PTPRR: variants seen among roughly 807,000 people sequenced by gnomAD.
The protein encoded by PTPRR is receptor-type tyrosine-protein phosphatase R.
A neutral mutation model predicts 77.2 loss-of-function variants in PTPRR; 38 were observed. That is an observed-to-expected ratio of 0.49 (90% confidence interval 0.38 to 0.65). The LOEUF is 0.65. PTPRR is among the 30% of genes least tolerant of loss of function. The pLI, the probability that PTPRR is intolerant of heterozygous loss-of-function variation, is 0.00. For synonymous variants in PTPRR, 299 were observed against 283.1 expected, an observed-to-expected ratio of 1.06 and a Z score of -0.57; for missense variants, 744 against 799.2, an observed-to-expected ratio of 0.93 and a Z score of 0.83.
At chr12:70,834,453 G>A (rs370684005) in intron 2 of PTPRR, among the ~76,000 whole-genome samples, 4 of 152,198 alleles carry the variant, frequency 2.6e-5, no homozygotes, top group Admixed American at 1.3e-4. Context: ...CATGGTTAAC[G>A]CAAAATGCAA....
At chr12:70,897,220 T>C (rs1893445225) in intron 1 of PTPRR, among the ~76,000 whole-genome samples, 1 of 151,802 alleles carries the variant, frequency 6.6e-6, no homozygotes, top group South Asian at 2.1e-4. Flanking sequence ...ACAGGCAACC[T>C]ACAAAATGGG....
intron 2 of PTPRR, among the ~76,000 whole-genome samples, chr12:70,767,614 A>G (rs1890860257): frequency 6.6e-6 from 1 of 152,180 alleles, no homozygotes; most frequent in Admixed American, 6.5e-5. Context: ...AACGAGATAG[A>G]AAGTTAACAA....
chr12:70,672,197 T>C (rs1395201806), intron 10 of PTPRR: 2 of 1,564,934 alleles, frequency 1.3e-6, no homozygotes, highest in African/African-American at 2.7e-5. Context: ...CCTACCATGG[T>C]TGGAAGTGAC....
chr12:70,877,165 T>C (rs941726377), intron 2 of PTPRR, among the ~76,000 whole-genome samples: 7 of 152,096 alleles, frequency 4.6e-5, no homozygotes, highest in Non-Finnish European at 7.4e-5. Flanking sequence ...GGAATGTAAG[T>C]AGGGCTTCGG....
chr12:70,790,497 A>G (rs1891403343), intron 2 of PTPRR, among the ~76,000 whole-genome samples: 1 of 151,964 alleles, frequency 6.6e-6, no homozygotes, highest in African/African-American at 2.4e-5. Flanking sequence ...CCTCTATACA[A>G]TGGACAGCCC....
chr12:70,775,710 A>AGGACCAAAGCTTCCTTTT (rs1592750551), intron 2 of PTPRR, among the ~76,000 whole-genome samples: 1 of 152,148 alleles, frequency 6.6e-6, no homozygotes, highest in African/African-American at 2.4e-5. Flanking sequence ...CAGCCACAAA[A>AGGACCAAAGCTTCCTTTT]GGACCAAAGC....
chr12:70,887,575 C>T (rs1893262397), intron 2 of PTPRR, among the ~76,000 whole-genome samples: 2 of 152,102 alleles, frequency 1.3e-5, no homozygotes, highest in Non-Finnish European at 2.9e-5. Flanking sequence ...TGTTATTTGA[C>T]ATTTATTTAT....
chr12:70,794,192 TTATAAA>T (rs1891470066), intron 2 of PTPRR, among the ~76,000 whole-genome samples: 1 of 152,220 alleles, frequency 6.6e-6, no homozygotes, highest in Non-Finnish European at 1.5e-5. Context: ...TGTAATCACA[TTATAAA>T]TATATTTTGT....
At chr12:70,818,235 C>CAAAA (rs34025995) in intron 2 of PTPRR, among the ~76,000 whole-genome samples, 2 of 68,670 alleles carry the variant, frequency 2.9e-5, no homozygotes, top group African/African-American at 1.1e-4. Context: ...AACTCCGTCT[C>CAAAA]AAAAAAAAAA....
In PTPRR at chr12:70,761,516, C is replaced by T. The variant is rs1363602362; in HGVS notation, c.582G>A (p.Leu194=). The T allele has an allele frequency of 2.5e-6, 4 of 1,610,388 alleles. No individual in the cohort carries two copies. The highest frequency in any genetic ancestry group is 3.4e-6 in the Non-Finnish European group (4 of 1,178,620). ...TTCCAAACTGGGATAAACTTTGATG[C>T]AAAACATTGATATTAAGTGAACGAA... is the stretch of plus-strand genomic sequence containing the variant. ...EVLRSLNINV[L]HQSLSQFGIT... Residue 194 remains leucine, a synonymous_variant, in exon 4 of 14, where the codon TTG becomes TTA. Transcript: ENST00000283228.
intron 4 of PTPRR, among the ~76,000 whole-genome samples, chr12:70,755,353 T>C (rs1890535333): frequency 6.6e-6 from 1 of 152,170 alleles, no homozygotes; most frequent in Admixed American, 6.5e-5. Context: ...CTTGTAGGTG[T>C]CTGAACTTTG....
chr12:70,739,027 C>A (rs938351874), intron 6 of PTPRR, among the ~76,000 whole-genome samples: 2 of 151,956 alleles, frequency 1.3e-5, no homozygotes, highest in African/African-American at 2.4e-5. Context: ...ATTTACTGGC[C>A]AATTTATAAG....
At chr12:70,902,045 C>T (rs1893544164) in intron 1 of PTPRR, among the ~76,000 whole-genome samples, 1 of 143,344 alleles carries the variant, frequency 7.0e-6, no homozygotes, top group African/African-American at 3.0e-5. Flanking sequence ...ATACAAATGG[C>T]CAACCAACAT....
intron 5 of PTPRR, among the ~76,000 whole-genome samples, chr12:70,750,963 C>T (rs932867244): frequency 6.7e-6 from 1 of 149,840 alleles, no homozygotes; most frequent in Non-Finnish European, 1.5e-5. Context: ...TAGTTTTAGA[C>T]CCCTGGGCTT....
intron 2 of PTPRR, among the ~76,000 whole-genome samples, chr12:70,784,869 C>G (rs1349525009): frequency 6.6e-6 from 1 of 152,086 alleles, no homozygotes; most frequent in Non-Finnish European, 1.5e-5. Flanking sequence ...AAAAAGTGGC[C>G]TGATTGGATT....
At chr12:70,743,356 G>T (rs576558098) in intron 6 of PTPRR, among the ~76,000 whole-genome samples, 5 of 152,244 alleles carry the variant, frequency 3.3e-5, no homozygotes, top group Non-Finnish European at 7.4e-5. Flanking sequence ...GAGAATGAAA[G>T]GTGGGAGAAG....
chr12:70,876,732 A>G (rs910827310), intron 2 of PTPRR, among the ~76,000 whole-genome samples: 1 of 152,214 alleles, frequency 6.6e-6, no homozygotes, highest in Admixed American at 6.6e-5. Context: ...TGGATTAATA[A>G]CATCTTTTTT....
chr12:70,768,448 G>A (rs1365273338), intron 2 of PTPRR, among the ~76,000 whole-genome samples: 1 of 152,152 alleles, frequency 6.6e-6, no homozygotes, highest in Non-Finnish European at 1.5e-5. Flanking sequence ...ACTTTCCCAA[G>A]ACTAAACCAG....
At chr12:70,742,475 A>T (rs561088178) in intron 6 of PTPRR, among the ~76,000 whole-genome samples, 74 of 152,264 alleles carry the variant, frequency 4.9e-4, no homozygotes, top group Non-Finnish European at 9.6e-4. Flanking sequence ...ACCTGGAAAA[A>T]TGTCCAAGTA....
Sources: gnomAD v4.1 joint callset for allele counts (sites outside exome capture counted in the v4.1 genomes callset) on GRCh38, gnomAD v4.1.1 for gene constraint, MANE v1.5 for transcripts, NCBI Gene and HGNC (gene_info 2026-07-23, HGNC 2026-07-21) for gene names.